The following MTSS1 variants were observed in gnomAD, a reference collection of about 807,000 sequenced individuals.
The protein encoded by MTSS1 is MTSS I-BAR domain containing 1.
MTSS1 carries 18 observed loss-of-function variants against 79.0 expected under a neutral mutation model. The ratio of observed to expected loss-of-function variants is 0.23; its 90% CI spans 0.16 to 0.34. MTSS1 has a LOEUF of 0.34. Ranked by LOEUF, MTSS1 falls within the 10% of genes least tolerant of loss-of-function variation. The probability of loss-of-function intolerance (pLI) is 1.00; values close to 1 mark genes in which losing one functional copy is unlikely to be tolerated. For missense variants in MTSS1, 815 were observed against 986.2 expected, an observed-to-expected ratio of 0.83 and a Z score of 2.33; for synonymous variants, 341 against 368.6, an observed-to-expected ratio of 0.93 and a Z score of 0.86.
chr8:124,593,999 G>A lies in MTSS1; in HGVS notation c.209-2764C>T, dbSNP rs563850989. On this transcript the variant is annotated intron_variant, in intron 3 of 13. Transcript: ENST00000518547. ...GGCCCTGTCTAATCAGTACCAACAG[G>A]GATTGCGCTCCATCCTTGCTAAGCT... is the stretch of plus-strand genomic sequence containing the variant. Among the ~76,000 whole-genome samples, 10 of 152,292 alleles carry A rather than the reference G, an allele frequency of 6.6e-5. No individual in the cohort carries two copies. In the East Asian group the frequency reaches 1.9e-3, roughly 29 times the overall value.
At chr8:124,606,724 C>G (rs966314237) in intron 3 of MTSS1, among the ~76,000 whole-genome samples, 3 of 151,790 alleles carry the variant, frequency 2.0e-5, no homozygotes, top group African/African-American at 7.3e-5. Flanking sequence ...TCTGTTTTAT[C>G]AGCCAGATTC....
In MTSS1 at chr8:124,663,585, T is replaced by G. The variant is rs145060295; in HGVS notation, c.208+35941A>C. ...TCCCCACACTCTTTAAAGCAATAGA[T>G]TCTGTAAATTTTCCTTTTCCCTTTC... is the stretch of plus-strand genomic sequence containing the variant. On this transcript the variant is annotated intron_variant, in intron 3 of 13. Coordinates refer to ENST00000518547, the MANE Select transcript of MTSS1 (RefSeq NM_014751.6). Among the ~76,000 whole-genome samples the G allele has an allele frequency of 8.3e-4, 126 of 152,064 alleles. 2 individuals carry two copies. Among genetic ancestry groups the G allele is most frequent in the Middle Eastern group, 3.4e-3 (1 of 294 alleles).
chr8:124,718,455 TC>T (rs1416316137), intron 1 of MTSS1, among the ~76,000 whole-genome samples: 1 of 152,002 alleles, frequency 6.6e-6, no homozygotes, highest in Non-Finnish European at 1.5e-5. Context: ...CTGGCTCTGC[TC>T]CCCGCTCCCT....
intron 3 of MTSS1, among the ~76,000 whole-genome samples, chr8:124,649,791 A>G (rs1587574960): frequency 6.6e-6 from 1 of 152,256 alleles, no homozygotes; most frequent in East Asian, 1.9e-4. Flanking sequence ...ATAGAAAGGC[A>G]CAAGGTCAGG....
At chr8:124,686,950 TC>T (rs1827086098) in intron 3 of MTSS1, among the ~76,000 whole-genome samples, 1 of 152,068 alleles carries the variant, frequency 6.6e-6, no homozygotes, top group African/African-American at 2.4e-5. Flanking sequence ...TGACTTCAAG[TC>T]ACCAAGAGTT....
intron 3 of MTSS1, among the ~76,000 whole-genome samples, chr8:124,692,587 C>T (rs1253355051): frequency 6.6e-6 from 1 of 152,200 alleles, no homozygotes; most frequent in Non-Finnish European, 1.5e-5. Flanking sequence ...CCAGCACCTT[C>T]TCCCCTCAGA....
chr8:124,581,809 G>A (rs1009858120), intron 6 of MTSS1, among the ~76,000 whole-genome samples: 1 of 152,172 alleles, frequency 6.6e-6, no homozygotes, highest in African/African-American at 2.4e-5. Context: ...TGAGAATAAG[G>A]CTGCTGAGTT....
intron 1 of MTSS1, among the ~76,000 whole-genome samples, chr8:124,724,178 G>A (rs760506149): frequency 4.6e-5 from 7 of 152,164 alleles, no homozygotes; most frequent in Non-Finnish European, 7.3e-5. Context: ...TCCAGTGTTG[G>A]ACCCACTACC....
chr8:124,557,295 T>C (rs936261947), intron 11 of MTSS1, among the ~76,000 whole-genome samples: 1 of 152,118 alleles, frequency 6.6e-6, no homozygotes, highest in African/African-American at 2.4e-5. Context: ...CTAAACCCCC[T>C]AGAAGCTCTG....
chr8:124,681,574 G>A (rs1563988412), intron 3 of MTSS1, among the ~76,000 whole-genome samples: 1 of 152,166 alleles, frequency 6.6e-6, no homozygotes, highest in Non-Finnish European at 1.5e-5. Flanking sequence ...CATAACTTGA[G>A]GTCAGGAGTT....
intron 3 of MTSS1, among the ~76,000 whole-genome samples, chr8:124,591,810 T>C (rs934020577): frequency 2.0e-5 from 3 of 152,176 alleles, no homozygotes; most frequent in Non-Finnish European, 2.9e-5. Flanking sequence ...AGATGGAATC[T>C]TGCTGTGTTG....
chr8:124,610,363 A>G (rs1234970920), intron 3 of MTSS1, among the ~76,000 whole-genome samples: 1 of 152,266 alleles, frequency 6.6e-6, no homozygotes, highest in East Asian at 1.9e-4. Flanking sequence ...ATTACTAACA[A>G]TCTCTGAAGC....
intron 1 of MTSS1, among the ~76,000 whole-genome samples, chr8:124,705,340 G>A (rs775980001): frequency 5.9e-5 from 9 of 152,070 alleles, no homozygotes; most frequent in South Asian, 2.1e-4. Context: ...GCATGGTGGC[G>A]CATGCTTGTA....
intron 3 of MTSS1, among the ~76,000 whole-genome samples, chr8:124,621,550 T>C (rs1008716557): frequency 3.3e-5 from 5 of 151,388 alleles, no homozygotes; most frequent in African/African-American, 1.2e-4. Flanking sequence ...TTTCTGTTTG[T>C]GTGTTTTTTT....
chr8:124,568,729 A>C (rs1827102815), intron 6 of MTSS1, 193 bp from the exon 7 acceptor site: 1 of 1,485,296 alleles, frequency 6.7e-7, no homozygotes. Context: ...TTCAATGCCC[A>C]AAGGGCACAT....
chr8:124,602,207 A>ATATATATACATATATATATATAC, intron 3 of MTSS1, among the ~76,000 whole-genome samples: 4 of 142,216 alleles, frequency 2.8e-5, no homozygotes, highest in African/African-American at 8.2e-5. Context: ...ATATATATAT[A>ATATATATACATATATATATATAC]ATTTTTTTTT....
In MTSS1 at chr8:124,555,916, A is replaced by G; in HGVS notation, c.1405-12T>C. 3 of 1,600,042 alleles carry G rather than the reference A, an allele frequency of 1.9e-6. No individual in the cohort carries two copies. Among genetic ancestry groups the G allele is most frequent in the Non-Finnish European group, 2.5e-6 (3 of 1,178,170 alleles). On this transcript the variant is annotated splice_polypyrimidine_tract_variant and intron_variant, in intron 12 of 13. Coordinates refer to ENST00000518547, the MANE Select transcript of MTSS1 (RefSeq NM_014751.6). Reference sequence around the variant, plus strand: ...ATCTCCTCACCAGGCTGCAGGTTGGAGGAGAGAAATACACAGGTTGCTTTA... The same window carrying G: ...ATCTCCTCACCAGGCTGCAGGTTGGGGGAGAGAAATACACAGGTTGCTTTA...
intron 3 of MTSS1, among the ~76,000 whole-genome samples, chr8:124,686,885 G>A (rs888164266): frequency 6.6e-6 from 1 of 152,100 alleles, no homozygotes; most frequent in African/African-American, 2.4e-5. Flanking sequence ...CTTATGTCTG[G>A]CACACTTGGT....
At chr8:124,706,292 T>C (rs35116559) in intron 1 of MTSS1, among the ~76,000 whole-genome samples, 24,243 of 152,236 alleles carry the variant, frequency 0.16, 2,438 homozygotes, top group Non-Finnish European at 0.22. Context: ...TGTATTGCTT[T>C]CTCCTTTGTA....
Sources: gnomAD v4.1 joint callset for allele counts (sites outside exome capture counted in the v4.1 genomes callset) on GRCh38, gnomAD v4.1.1 for gene constraint, MANE v1.5 for transcripts, NCBI Gene and HGNC (gene_info 2026-07-23, HGNC 2026-07-21) for gene names.